Variants in PSMB7 observed in about 807,000 individuals in gnomAD.
PSMB7 encodes the protein proteasome subunit beta type-7.
PSMB7 carries 5 observed loss-of-function variants against 28.1 expected under a neutral mutation model. That is an observed-to-expected ratio of 0.18 (90% CI 0.09 to 0.37). The LOEUF (loss-of-function observed/expected upper bound fraction) is 0.37. PSMB7 is among the 10% of genes least tolerant of loss of function. The pLI is 1.00. For synonymous variants in PSMB7, 122 were observed against 123.7 expected (o/e 0.99, Z 0.09); for missense variants, 275 against 346.2 (o/e 0.79, Z 1.63).
At chr9:124,411,240 G>A (rs1372883911) in intron 4 of PSMB7, among the ~76,000 whole-genome samples, 4 of 152,134 alleles carry the variant, frequency 2.6e-5, no homozygotes. Context: ...CCAAAGTGCT[G>A]GGATTACAGG....
intron 3 of PSMB7, 55 bp downstream of exon 3, chr9:124,413,853 T>C: frequency 3.9e-6 from 5 of 1,293,876 alleles, no homozygotes; most frequent in Middle Eastern, 4.6e-4. Context: ...AAGGTCAATT[T>C]TTAGCCCTGA....
chr9:124,393,265 T>C (rs1046960229), intron 5 of PSMB7, among the ~76,000 whole-genome samples: 4 of 152,214 alleles, frequency 2.6e-5, no homozygotes, highest in African/African-American at 9.7e-5. Flanking sequence ...ATTGTATGCA[T>C]GCATTTCATT....
intron 6 of PSMB7, among the ~76,000 whole-genome samples, chr9:124,363,865 C>A (rs946513653): frequency 1.3e-5 from 2 of 152,180 alleles, no homozygotes; most frequent in Non-Finnish European, 2.9e-5. Context: ...CCTGTCAGAA[C>A]TCGCAGCCAG....
chr9:124,403,241 A>T (rs1459692840), intron 5 of PSMB7, among the ~76,000 whole-genome samples: 2 of 145,226 alleles, frequency 1.4e-5, no homozygotes, highest in Admixed American at 6.9e-5. Flanking sequence ...TGCAGTCATT[A>T]AAAAAAAAAA....
chr9:124,381,200 G>C (rs151187846), intron 6 of PSMB7, among the ~76,000 whole-genome samples: 4 of 152,322 alleles, frequency 2.6e-5, no homozygotes, highest in African/African-American at 9.6e-5. Context: ...TTTAAGGAGG[G>C]AGGAACTTGT....
intron 7 of PSMB7, among the ~76,000 whole-genome samples, chr9:124,355,376 T>C (rs968127836): frequency 6.6e-6 from 1 of 152,228 alleles, no homozygotes; most frequent in Non-Finnish European, 1.5e-5. Context: ...GCACTCCCTG[T>C]GGATGAGGAC....
intron 4 of PSMB7, among the ~76,000 whole-genome samples, chr9:124,411,529 G>A (rs1354987240): frequency 2.0e-5 from 3 of 152,180 alleles, no homozygotes; most frequent in African/African-American, 7.2e-5. Flanking sequence ...GTCCCAAAAG[G>A]AGAAGCCAGT....
intron 6 of PSMB7, among the ~76,000 whole-genome samples, chr9:124,357,902 G>T (rs1384953014): frequency 2.6e-5 from 4 of 152,194 alleles, no homozygotes; most frequent in African/African-American, 9.6e-5. Context: ...AGGGCTGAAG[G>T]ACAGGCTGCA....
In PSMB7 at chr9:124,387,501, A is replaced by T. The variant is rs185037554; in HGVS notation, c.512-2845T>A. On this transcript the variant is annotated intron_variant, in intron 5 of 7. Coordinates refer to ENST00000259457, the MANE Select transcript of PSMB7 (RefSeq NM_002799.4). Reference sequence around the variant, plus strand: ...AAAATACATACATACACACACACACACTCTCTCTCTCGAGAAATTTTCTGA... The same window carrying T: ...AAAATACATACATACACACACACACTCTCTCTCTCTCGAGAAATTTTCTGA... 1.7e-3 allele frequency among the ~76,000 whole-genome samples: 244 copies of T among 145,930 alleles called. 2 individuals are homozygous for T. The highest frequency in any genetic ancestry group is 4.3e-3 in the African/African-American group (156 of 36,080).
chr9:124,411,294 A>G (rs185551734), intron 4 of PSMB7, among the ~76,000 whole-genome samples: 3 of 152,146 alleles, frequency 2.0e-5, no homozygotes, highest in East Asian at 1.9e-4. Context: ...TTTAATTCAA[A>G]TCTCCCCATT....
intron 2 of PSMB7, 37 bp downstream of exon 2, chr9:124,414,805 G>T: frequency 6.4e-7 from 1 of 1,561,030 alleles, no homozygotes; most frequent in Non-Finnish European, 8.8e-7. Context: ...CCTGTTGCCG[G>T]TTCAGTCACT....
chr9:124,381,540 G>A (rs574665221), intron 6 of PSMB7, among the ~76,000 whole-genome samples: 1 of 152,336 alleles, frequency 6.6e-6, no homozygotes, highest in African/African-American at 2.4e-5. Flanking sequence ...GAAACAGCAG[G>A]CTTAGTCACC....
At position 124,356,976 on chromosome 9, in the gene PSMB7, G is replaced by T. The variant is rs61166850; in HGVS notation, c.571-61C>A. On this transcript the variant is annotated intron_variant, in intron 6 of 7. Transcript: ENST00000259457. This position sits in a 1 kb window ranked among gnomAD's most constrained non-coding sequence, Gnocchi z 4.4. ...CAAACTAGGGCCTGCTCTGACATCC[G>T]CAATGTACGTCCACTAGCAGTGCGC... 15 of 1,592,926 alleles carry T rather than the reference G, an allele frequency of 9.4e-6. No individual in the cohort carries two copies. The highest frequency in any genetic ancestry group is 1.3e-5 in the Non-Finnish European group (15 of 1,164,638).
At chr9:124,365,793 T>C (rs1830501617) in intron 6 of PSMB7, among the ~76,000 whole-genome samples, 1 of 152,112 alleles carries the variant, frequency 6.6e-6, no homozygotes, top group Admixed American at 6.5e-5. Context: ...TGTGCACCTG[T>C]AGTCTCAGCT....
intron 5 of PSMB7, among the ~76,000 whole-genome samples, chr9:124,401,607 C>A (rs1224276341): frequency 6.6e-6 from 1 of 152,218 alleles, no homozygotes; most frequent in Non-Finnish European, 1.5e-5. Context: ...TCCCCTCCTG[C>A]CCTCGTCAGT....
At chr9:124,396,986 C>T (rs190000452) in intron 5 of PSMB7, 1 of 354,482 alleles carries the variant, frequency 2.8e-6, no homozygotes, top group South Asian at 2.3e-5. Context: ...TCAAATGAAT[C>T]GATCACCAGT....
chr9:124,376,723 T>C (rs940926877), intron 6 of PSMB7, among the ~76,000 whole-genome samples: 1 of 152,224 alleles, frequency 6.6e-6, no homozygotes, highest in African/African-American at 2.4e-5. Context: ...TCCCTCCCTG[T>C]TGTGAAAGAA....
rs142551228 is a variant in PSMB7 at position 124,360,925 on chromosome 9, A to G, written c.571-4010T>C. On this transcript the variant is annotated intron_variant, in intron 6 of 7. Coordinates refer to ENST00000259457, the MANE Select transcript of PSMB7 (RefSeq NM_002799.4). ...GCTACTGCTTAATAAATGGTAAGTT[A>G]TTTAGTAAAGCAAGCCAGAGGGCTC... Among the ~76,000 whole-genome samples the G allele has an allele frequency of 8.4e-4, 128 of 152,378 alleles. 2 individuals carry two copies. In the East Asian group the frequency reaches 0.021, roughly 25 times the overall value.
At chr9:124,380,666 A>G (rs1308811584) in intron 6 of PSMB7, among the ~76,000 whole-genome samples, 1 of 152,242 alleles carries the variant, frequency 6.6e-6, no homozygotes, top group African/African-American at 2.4e-5. Flanking sequence ...AAACATGGAG[A>G]ATGGAACTGC....
Sources: gnomAD v4.1 joint callset for allele counts (sites outside exome capture counted in the v4.1 genomes callset) on GRCh38, gnomAD v4.1.1 for gene constraint, Gnocchi (gnomAD v3.1) non-coding constraint, MANE v1.5 for transcripts, NCBI Gene and HGNC (gene_info 2026-07-23, HGNC 2026-07-21) for gene names.